The following ARMC2 variants were observed in gnomAD, a reference collection of about 807,000 sequenced individuals.
ARMC2 encodes the protein armadillo repeat-containing protein 2.
A neutral mutation model predicts 90.3 loss-of-function variants in ARMC2; 67 were observed. That is an observed-to-expected ratio of 0.74 (90% CI 0.61 to 0.91). The LOEUF is 0.91. Ranked by LOEUF, ARMC2 falls within the 40% of genes least tolerant of loss-of-function variation. The pLI, the probability that ARMC2 is intolerant of heterozygous loss-of-function variation, is 0.00. For synonymous variants in ARMC2, 393 were observed against 393.0 expected (o/e 1.00, Z 0.00); for missense variants, 920 against 1,030.9 (o/e 0.89, Z 1.47).
At chr6:108,875,972 A>G (rs929192609) in intron 4 of ARMC2, among the ~76,000 whole-genome samples, 171 bp from the exon 5 acceptor site, 1 of 152,224 alleles carries the variant, frequency 6.6e-6, no homozygotes, top group African/African-American at 2.4e-5. Context: ...GACTTAAGAT[A>G]CTGGTCTTGT....
intron 5 of ARMC2, among the ~76,000 whole-genome samples, chr6:108,879,592 GTCCATCCA>G (rs539899853): frequency 8.8e-6 from 1 of 113,410 alleles, no homozygotes; most frequent in Non-Finnish European, 1.7e-5. Context: ...CCACCTGTTC[GTCCATCCA>G]TCCATCCATC....
the ARMC2 span, among the ~76,000 whole-genome samples, chr6:109,009,880 A>G: frequency 2.0e-5 from 3 of 151,962 alleles, no homozygotes; most frequent in Non-Finnish European, 4.4e-5. Context: ...CTGCTCGGCC[A>G]TTTACCTAGA....
At chr6:108,988,198 A>G in the ARMC2 span, among the ~76,000 whole-genome samples, 1 of 152,162 alleles carries the variant, frequency 6.6e-6, no homozygotes, top group African/African-American at 2.4e-5. Flanking sequence ...CAGAATAGCA[A>G]CTTCCCCTGC....
chr6:109,029,737 G>A, the ARMC2 span, among the ~76,000 whole-genome samples: 3 of 151,968 alleles, frequency 2.0e-5, no homozygotes, highest in South Asian at 2.1e-4. Context: ...TTGCCATGTC[G>A]CTCAAGCTGG....
At chr6:108,907,566 C>G (rs780750441) in intron 8 of ARMC2, 1 of 1,477,212 alleles carries the variant, frequency 6.8e-7, no homozygotes, top group East Asian at 2.3e-5. Flanking sequence ...CAGAGGGGCT[C>G]GGGCCAAGGT....
At chr6:108,991,150 G>GC in the ARMC2 span, among the ~76,000 whole-genome samples, 1 of 151,522 alleles carries the variant, frequency 6.6e-6, no homozygotes, top group African/African-American at 2.4e-5. Context: ...TCTCCACTCA[G>GC]CCCCCCAGAT....
chr6:108,881,319 C>CTTCCTTCCTTCCTTCCT (rs1777560389), intron 5 of ARMC2, among the ~76,000 whole-genome samples: 3 of 17,760 alleles, frequency 1.7e-4, no homozygotes, highest in East Asian at 2.0e-3. Flanking sequence ...CCTTCCTTCA[C>CTTCCTTCCTTCCTTCCT]TCCTTCCTTC....
chr6:108,928,451 G>T (rs1223690319), intron 11 of ARMC2, among the ~76,000 whole-genome samples: 1 of 152,112 alleles, frequency 6.6e-6, no homozygotes, highest in Non-Finnish European at 1.5e-5. Context: ...AAACTCATTG[G>T]TTGTTAAGTC....
the ARMC2 span, among the ~76,000 whole-genome samples, chr6:109,039,987 A>G: frequency 2.0e-5 from 3 of 152,316 alleles, no homozygotes; most frequent in East Asian, 3.9e-4. Context: ...CCAACAGTCA[A>G]ATGAAGGACT....
chr6:108,938,119 A>C (rs1240872746), intron 12 of ARMC2, among the ~76,000 whole-genome samples: 2 of 152,242 alleles, frequency 1.3e-5, no homozygotes, highest in Non-Finnish European at 2.9e-5. Context: ...CCATGAATAC[A>C]ATGAGTATTC....
intron 5 of ARMC2, among the ~76,000 whole-genome samples, chr6:108,890,733 T>G (rs1174062999): frequency 1.3e-5 from 2 of 152,160 alleles, no homozygotes; most frequent in East Asian, 3.8e-4. Flanking sequence ...ACCAGTCCTG[T>G]GCTCTTTTTT....
chr6:108,874,480 T>G (rs1776744401), intron 4 of ARMC2, among the ~76,000 whole-genome samples: 3 of 152,228 alleles, frequency 2.0e-5, no homozygotes, highest in Non-Finnish European at 4.4e-5. Context: ...TGCTTCATAA[T>G]TCAGTAGTAA....
At chr6:109,013,041 G>A in the ARMC2 span, among the ~76,000 whole-genome samples, 3 of 151,868 alleles carry the variant, frequency 2.0e-5, no homozygotes, top group Non-Finnish European at 2.9e-5. Flanking sequence ...GCTTGAACCC[G>A]GGAGGCAGAG....
At chr6:109,010,146 C>T in the ARMC2 span, among the ~76,000 whole-genome samples, 1 of 152,092 alleles carries the variant, frequency 6.6e-6, no homozygotes, top group African/African-American at 2.4e-5. Context: ...CGTCTTTTTT[C>T]CTCTCAAGTA....
the ARMC2 span, chr6:109,009,440 C>CGCG: frequency 7.3e-7 from 1 of 1,368,260 alleles, no homozygotes; most frequent in African/African-American, 1.5e-5. Flanking sequence ...ACGCCTCGTT[C>CGCG]GCGGCGGCGG....
At chr6:108,912,305 G>C in intron 9 of ARMC2, 30 bp from the exon 10 acceptor site, 1 of 1,493,026 alleles carries the variant, frequency 6.7e-7, no homozygotes. Context: ...GTTATACTCA[G>C]ACATTTATAA....
chr6:108,899,776 G>A lies in ARMC2; in HGVS notation c.831G>A (p.Leu277=). The change falls in exon 7 of 18, where the codon TTG becomes TTA. Residue 277 remains leucine (L), a synonymous_variant. Coordinates refer to ENST00000392644, the MANE Select transcript of ARMC2 (RefSeq NM_032131.6). ...VFWNTRIVPI[L]RELEKEENIE... is the part of the protein sequence containing the mutation. ...GGAATACAAGGATTGTACCGATTTT[G>A]CGTGAATTAGAAAAGGGTAAAACAC... 1.2e-6 allele frequency: 2 copies of A among 1,612,496 alleles called. No individual in the cohort carries two copies. The highest frequency in any genetic ancestry group is 1.7e-6 in the Non-Finnish European group (2 of 1,179,332).
In ARMC2 at chr6:108,854,264, A is replaced by G. The variant is rs1357660322; in HGVS notation, c.-4A>G. On this transcript the variant is annotated 5_prime_UTR_variant, in exon 2 of 18. Coordinates refer to ENST00000392644, the MANE Select transcript of ARMC2 (RefSeq NM_032131.6). The stretch of plus-strand genomic sequence containing the variant: ...CTGAAGAATATTTTACTTTCAAAGG[A>G]AAGATGCTGTCTCCAAATGATAAAA... 1.3e-6 allele frequency: 2 copies of G among 1,595,474 alleles called. No individual in the cohort carries two copies. Among genetic ancestry groups the G allele is most frequent in the East Asian group, 2.3e-5 (1 of 44,382 alleles).
chr6:108,912,795 C>G (rs1421178182), intron 10 of ARMC2, among the ~76,000 whole-genome samples: 1 of 152,130 alleles, frequency 6.6e-6, no homozygotes, highest in African/African-American at 2.4e-5. Context: ...CTTTCACTGC[C>G]CTGCAGAGAA....
Sources: gnomAD v4.1 joint callset for allele counts (sites outside exome capture counted in the v4.1 genomes callset) on GRCh38, gnomAD v4.1.1 for gene constraint, MANE v1.5 for transcripts, NCBI Gene and HGNC (gene_info 2026-07-23, HGNC 2026-07-21) for gene names.